The following NEMP2 variants were observed in gnomAD, a reference collection of about 807,000 sequenced individuals.
The protein encoded by NEMP2 is UPF0571 transmembrane protein.
Under a neutral mutation model 54.2 loss-of-function variants are expected in NEMP2, and 53 were observed. The observed-to-expected ratio is 0.98, with a 90% confidence interval of 0.78 to 1.23. NEMP2 has a LOEUF of 1.23. Ranked by LOEUF, NEMP2 falls within the 50% of genes most tolerant of loss-of-function variation. NEMP2 has a pLI of 0.00. For synonymous variants in NEMP2, 197 were observed against 190.3 expected (o/e 1.04, Z -0.29); for missense variants, 455 against 511.3 (o/e 0.89, Z 1.06).
chr2:190,534,388 G>A (rs994043858), intron 1 of NEMP2, 171 bp downstream of exon 1: 5 of 1,210,938 alleles, frequency 4.1e-6, no homozygotes, highest in Admixed American at 4.4e-5. Flanking sequence ...AGCCCAGTAA[G>A]ACAGGAAGGG....
chr2:190,497,545 G>T, the NEMP2 span: 1 of 1,614,206 alleles, frequency 6.2e-7, no homozygotes, highest in Admixed American at 1.7e-5. This position sits in a 1 kb window ranked among gnomAD's most constrained non-coding sequence, Gnocchi z 5.2. Context: ...CACGCATTGA[G>T]CCCAGACTTC....
the NEMP2 span, chr2:190,627,957 A>G: frequency 6.6e-6 from 1 of 152,194 alleles, no homozygotes; most frequent in African/African-American, 2.4e-5. This position sits in a 1 kb window ranked among gnomAD's most constrained non-coding sequence, Gnocchi z 4.4. Context: ...CCGCCCTCGC[A>G]CTGCGCTCTT....
At chr2:190,620,005 T>C in the NEMP2 span, among the ~76,000 whole-genome samples, 1 of 152,232 alleles carries the variant, frequency 6.6e-6, no homozygotes, top group Non-Finnish European at 1.5e-5. The surrounding 1 kb of genome is among the most constrained non-coding windows in gnomAD (Gnocchi z 4.9). Flanking sequence ...TAGCACCTGG[T>C]GGTTCTTATT....
chr2:190,447,503 A>AG, the NEMP2 span, among the ~76,000 whole-genome samples: 1 of 149,268 alleles, frequency 6.7e-6, no homozygotes, highest in East Asian at 1.9e-4. This position sits in a 1 kb window ranked among gnomAD's most constrained non-coding sequence, Gnocchi z 4.5. Context: ...TCTGTGTCAT[A>AG]GCACATATGA....
In NEMP2 at chr2:190,533,786, G is replaced by A. The variant is rs1691247627; in HGVS notation, c.97+773C>T. On this transcript the variant is annotated intron_variant, in intron 1 of 8. Coordinates refer to ENST00000409150, the MANE Select transcript of NEMP2 (RefSeq NM_001142645.2). The surrounding 1 kb of genome is among the most constrained non-coding windows in gnomAD (Gnocchi z 4.3). ...GATTTTATGAGGGGAAAAAAAAAAAGAAACAGAAATGTGAAGCTCATGGTA... is the reference window on the plus strand; with the variant it reads ...GATTTTATGAGGGGAAAAAAAAAAAAAAACAGAAATGTGAAGCTCATGGTA... Among the ~76,000 whole-genome samples, 1 of 147,018 alleles carries A rather than the reference G, an allele frequency of 6.8e-6. No homozygotes were observed. Among genetic ancestry groups the A allele is most frequent in the African/African-American group, 2.5e-5 (1 of 39,674 alleles).
chr2:190,620,379 G>A, the NEMP2 span: 1 of 152,170 alleles, frequency 6.6e-6, no homozygotes, highest in Admixed American at 6.5e-5. The surrounding 1 kb of genome is among the most constrained non-coding windows in gnomAD (Gnocchi z 4.9). Context: ...AAGGAAAAGA[G>A]AGAGAAAAGT....
intron 4 of NEMP2, among the ~76,000 whole-genome samples, chr2:190,517,865 C>T (rs1690615786): frequency 6.6e-6 from 1 of 152,194 alleles, no homozygotes; most frequent in South Asian, 2.1e-4. Context: ...ACAATAATTA[C>T]TGAACACCTA....
At chr2:190,614,973 C>T in the NEMP2 span, among the ~76,000 whole-genome samples, 4 of 152,154 alleles carry the variant, frequency 2.6e-5, no homozygotes, top group African/African-American at 7.2e-5. This position sits in a 1 kb window ranked among gnomAD's most constrained non-coding sequence, Gnocchi z 5.7. Context: ...CATTACAGTT[C>T]CAAAGAGGTA....
At chr2:190,497,546 C>T in the NEMP2 span, 1 of 1,614,166 alleles carries the variant, frequency 6.2e-7, no homozygotes, top group Non-Finnish European at 8.5e-7. This position sits in a 1 kb window ranked among gnomAD's most constrained non-coding sequence, Gnocchi z 5.2. Flanking sequence ...ACGCATTGAG[C>T]CCAGACTTCC....
the NEMP2 span, among the ~76,000 whole-genome samples, chr2:190,571,707 G>A: frequency 6.6e-6 from 1 of 152,232 alleles, no homozygotes. Flanking sequence ...GGTTTTACTT[G>A]AGCTAATAAA....
chr2:190,572,834 TATATATATA>T, the NEMP2 span, among the ~76,000 whole-genome samples: 5 of 37,766 alleles, frequency 1.3e-4, no homozygotes, highest in African/African-American at 2.4e-4. Context: ...TTTTCATGAG[TATATATATA>T]TATATATATA....
At chr2:190,626,287 G>A in the NEMP2 span, 2 of 152,224 alleles carry the variant, frequency 1.3e-5, no homozygotes, top group East Asian at 1.9e-4. This position sits in a 1 kb window ranked among gnomAD's most constrained non-coding sequence, Gnocchi z 4.5. Context: ...GTCCATAGTA[G>A]TGACATAGAA....
At chr2:190,621,501 T>C in the NEMP2 span, among the ~76,000 whole-genome samples, 1 of 152,188 alleles carries the variant, frequency 6.6e-6, no homozygotes, top group Non-Finnish European at 1.5e-5. Context: ...CCTATGTTCA[T>C]GGGTTGGAAG....
Position 190,534,624 on chromosome 2 carries a change from A to G in NEMP2, c.32T>C (p.Leu11Pro), listed in dbSNP as rs1038101322. The change falls in exon 1 of 9, where the codon CTG (leucine) becomes CCG (proline). Residue 11 changes from leucine to proline, a missense_variant. Around this residue, in one of 3 missense-constraint regions of NEMP2, gnomAD observed 100 missense variants for 80.2 expected, o/e 1.25. Coordinates refer to ENST00000409150, the MANE Select transcript of NEMP2 (RefSeq NM_001142645.2). MGPRQGRWWL[L>P]LWLPPLATLP... Reference sequence around the variant, plus strand: ...TGTGGCCAGGGGCGGCAGCCAGAGCAGCAGCCACCACCGCCCTTGGCGCGG... The same window carrying G: ...TGTGGCCAGGGGCGGCAGCCAGAGCGGCAGCCACCACCGCCCTTGGCGCGG... 1.5e-6 allele frequency: 2 copies of G among 1,367,566 alleles called. No homozygotes were observed. Among genetic ancestry groups the G allele is most frequent in the Non-Finnish European group, 1.9e-6 (2 of 1,064,034 alleles). The allele number at this position is 1,367,566 out of a possible 1,614,324, so 84.7% of individuals were successfully genotyped here.
At chr2:190,638,060 G>C in the NEMP2 span, among the ~76,000 whole-genome samples, 2 of 152,164 alleles carry the variant, frequency 1.3e-5, no homozygotes, top group African/African-American at 4.8e-5. This position sits in a 1 kb window ranked among gnomAD's most constrained non-coding sequence, Gnocchi z 5.7. Flanking sequence ...AACACTGCAG[G>C]AGCGGGAGCA....
the NEMP2 span, among the ~76,000 whole-genome samples, chr2:190,480,680 T>C: frequency 2.6e-5 from 4 of 152,236 alleles, no homozygotes; most frequent in African/African-American, 9.6e-5. Flanking sequence ...TGGGTTTGAA[T>C]TCTAACTCCC....
chr2:190,627,247 A>G, the NEMP2 span, among the ~76,000 whole-genome samples: 1 of 152,254 alleles, frequency 6.6e-6, no homozygotes, highest in Admixed American at 6.5e-5. The surrounding 1 kb of genome is among the most constrained non-coding windows in gnomAD (Gnocchi z 4.4). Flanking sequence ...TAAATCTTGC[A>G]GTATTTTGCT....
downstream of NEMP2, chr2:190,502,416 ACT>A (rs1690065779): frequency 6.6e-6 from 1 of 152,020 alleles, no homozygotes; most frequent in Non-Finnish European, 1.5e-5. This position sits in a 1 kb window ranked among gnomAD's most constrained non-coding sequence, Gnocchi z 4.4. Context: ...CTTACTTCCT[ACT>A]CTTTCTCCTA....
At chr2:190,590,316 AT>A in the NEMP2 span, among the ~76,000 whole-genome samples, 1 of 152,210 alleles carries the variant, frequency 6.6e-6, no homozygotes, top group East Asian at 1.9e-4. This position sits in a 1 kb window ranked among gnomAD's most constrained non-coding sequence, Gnocchi z 5.1. Flanking sequence ...TGGCCACACC[AT>A]TATGGCATTT....
Sources: allele counts gnomAD v4.1 joint callset (sites outside exome capture counted in the v4.1 genomes callset), GRCh38; gene constraint gnomAD v4.1.1; regional missense constraint gnomAD v4.1.1; non-coding constraint Gnocchi (gnomAD v3.1); transcripts MANE v1.5; gene names NCBI Gene and HGNC (gene_info 2026-07-23, HGNC 2026-07-21).